IDO2: variants seen among roughly 807,000 people sequenced by gnomAD.
IDO2 encodes indoleamine 2,3-dioxygenase 2.
In IDO2, 46 loss-of-function variants were observed where a neutral mutation model predicts 45.1. The ratio of observed to expected loss-of-function variants is 1.02; its 90% CI spans 0.80 to 1.30. The LOEUF (loss-of-function observed/expected upper bound fraction) is 1.30, where lower values mean the gene tolerates loss of function less well. Ranked by LOEUF, IDO2 falls within the 50% of genes most tolerant of loss-of-function variation. The pLI is 0.00. For missense variants in IDO2, 544 were observed against 491.8 expected, an observed-to-expected ratio of 1.11 and a Z score of -1.00; for synonymous variants, 218 against 184.9, an observed-to-expected ratio of 1.18 and a Z score of -1.45.
chr8:40,007,841 T>A (rs1396831605), intron 9 of IDO2, among the ~76,000 whole-genome samples: 1 of 152,148 alleles, frequency 6.6e-6, no homozygotes, highest in African/African-American at 2.4e-5. Context: ...AGTCAATTTA[T>A]CTATTGGGCT....
At chr8:39,946,136 C>A (rs1420732688) in intron 1 of IDO2, among the ~76,000 whole-genome samples, 1 of 152,164 alleles carries the variant, frequency 6.6e-6, no homozygotes, top group African/African-American at 2.4e-5. Flanking sequence ...ATTTTGCAGA[C>A]CCTGTACTTG....
intron 1 of IDO2, among the ~76,000 whole-genome samples, chr8:39,938,504 A>G (rs1486742615): frequency 6.6e-6 from 1 of 152,136 alleles, no homozygotes; most frequent in East Asian, 1.9e-4. Flanking sequence ...ATAACATAAG[A>G]GAAAATCTAG....
intron 8 of IDO2, chr8:39,998,156 G>A (rs917870288): frequency 5.7e-6 from 1 of 174,224 alleles, no homozygotes; most frequent in Non-Finnish European, 1.3e-5. Context: ...GGCCATTTCT[G>A]TTTCTCTTGG....
At chr8:39,976,365 A>G (rs1808259749) in intron 3 of IDO2, among the ~76,000 whole-genome samples, 1 of 152,166 alleles carries the variant, frequency 6.6e-6, no homozygotes, top group African/African-American at 2.4e-5. Flanking sequence ...TTCAACAAAT[A>G]GATACTCTCA....
intron 1 of IDO2, among the ~76,000 whole-genome samples, chr8:39,943,840 ACT>A (rs1319101487): frequency 2.0e-5 from 3 of 152,004 alleles, no homozygotes; most frequent in African/African-American, 7.2e-5. Flanking sequence ...AAGCACGCCA[ACT>A]CTCACCACTC....
chr8:40,015,417 C>T, exon 11 of IDO2: 11 of 1,613,940 alleles, frequency 6.8e-6, no homozygotes, highest in Non-Finnish European at 8.5e-6. Context: ...GCGGAGCTAT[C>T]ACATCACCAT....
intron 5 of IDO2, chr8:39,985,134 T>C (rs968744740): frequency 6.4e-6 from 2 of 314,086 alleles, no homozygotes; most frequent in Admixed American, 9.6e-5. Context: ...TTTTACCACG[T>C]TGGCCAGTCT....
chr8:39,997,139 A>G (rs1338469793), intron 8 of IDO2, among the ~76,000 whole-genome samples: 3 of 152,238 alleles, frequency 2.0e-5, no homozygotes, highest in Non-Finnish European at 4.4e-5. Context: ...TCATAATACA[A>G]GCAACTTGCA....
chr8:40,012,081 A>G (rs1257926957), intron 9 of IDO2, among the ~76,000 whole-genome samples: 1 of 152,224 alleles, frequency 6.6e-6, no homozygotes, highest in Non-Finnish European at 1.5e-5. Context: ...CAGCACTTCC[A>G]GCCTCAGAGC....
intron 3 of IDO2, among the ~76,000 whole-genome samples, chr8:39,963,930 T>C (rs150705896): frequency 5.2e-4 from 79 of 152,310 alleles, no homozygotes; most frequent in African/African-American, 1.9e-3. Flanking sequence ...GCCTGACACA[T>C]GCCAATAACT....
chr8:40,011,057 T>G (rs1802302642), intron 9 of IDO2, among the ~76,000 whole-genome samples: 1 of 152,100 alleles, frequency 6.6e-6, no homozygotes, highest in Non-Finnish European at 1.5e-5. Flanking sequence ...ACTACAGGTG[T>G]GCACCACCAT....
chr8:39,972,745 C>T lies in IDO2; in HGVS notation c.196-6322C>T, dbSNP rs1316502665. ...GGCAAACCGCCTTGTTTTCTTAAGC[C>T]ACCCCAACCTTCAGCAACCAACATC... On this transcript the variant is annotated intron_variant, in intron 3 of 10. Transcript: ENST00000502986. 2.0e-5 allele frequency among the ~76,000 whole-genome samples: 3 copies of T among 151,600 alleles called. 1 individual carries two copies. Among genetic ancestry groups the T allele is most frequent in the South Asian group, 2.1e-4 (1 of 4,806 alleles).
intron 9 of IDO2, among the ~76,000 whole-genome samples, chr8:40,006,725 A>G (rs1802227962): frequency 6.6e-6 from 1 of 151,832 alleles, no homozygotes. Context: ...CAGTGGTGCC[A>G]TCTTGGCTCA....
chr8:40,009,726 T>C (rs1451907770), intron 9 of IDO2, among the ~76,000 whole-genome samples: 2 of 152,178 alleles, frequency 1.3e-5, no homozygotes, highest in Non-Finnish European at 2.9e-5. Context: ...TGGACTTGTA[T>C]GCTGGTGTTT....
At position 39,989,717 on chromosome 8, in the gene IDO2, C is replaced by G; in HGVS notation, c.550-4C>G. Reference sequence around the variant, plus strand: ...TAAGTTGTGTACATGCATCTCATCCCTAGGCTCTTGTTCAGGCCACGAATG... The same window carrying G: ...TAAGTTGTGTACATGCATCTCATCCGTAGGCTCTTGTTCAGGCCACGAATG... On this transcript the variant is annotated splice_region_variant and splice_polypyrimidine_tract_variant and intron_variant, in intron 7 of 10. Coordinates refer to ENST00000502986, the Ensembl canonical transcript of IDO2. 1 of 1,572,066 alleles carries G rather than the reference C, an allele frequency of 6.4e-7. No homozygotes were observed. The highest frequency in any genetic ancestry group is 8.6e-7 in the Non-Finnish European group (1 of 1,157,378).
intron 8 of IDO2, chr8:39,995,262 TTCC>T (rs1458271129): frequency 0.017 from 1,793 of 104,342 alleles, 88 homozygotes; most frequent in African/African-American, 0.07. Context: ...CTTCTTCTTC[TTCC>T]TCTTCTTCTT....
chr8:39,935,164 G>T, exon 1 of IDO2: 3 of 1,610,356 alleles, frequency 1.9e-6, no homozygotes, highest in Non-Finnish European at 2.5e-6. Context: ...AGGAAATGAA[G>T]CTTGACACTT....
intron 2 of IDO2, among the ~76,000 whole-genome samples, chr8:39,960,596 A>T (rs1385507816): frequency 6.6e-6 from 1 of 152,236 alleles, no homozygotes; most frequent in Admixed American, 6.5e-5. Flanking sequence ...TAACGTTTGA[A>T]CCCTGCTTCT....
At chr8:39,968,569 A>T (rs1808130691) in intron 3 of IDO2, among the ~76,000 whole-genome samples, 1 of 152,188 alleles carries the variant, frequency 6.6e-6, no homozygotes, top group South Asian at 2.1e-4. Flanking sequence ...GCAGACTGTG[A>T]TAAATAAAAC....
Sources: gnomAD v4.1 joint callset for allele counts (sites outside exome capture counted in the v4.1 genomes callset) on GRCh38, gnomAD v4.1.1 for gene constraint, MANE v1.5 for transcripts, NCBI Gene and HGNC (gene_info 2026-07-23, HGNC 2026-07-21) for gene names.